The following SLC22A11 variants were observed in gnomAD, a reference collection of about 807,000 sequenced individuals.
The protein encoded by SLC22A11 is solute carrier family 22 member 11.
In SLC22A11, 42 loss-of-function variants were observed where a neutral mutation model predicts 49.4. The observed-to-expected ratio is 0.85, with a 90% CI of 0.66 to 1.10. SLC22A11 has a LOEUF of 1.10. Among genes scored for constraint, SLC22A11 ranks in the 50% least tolerant of loss-of-function variants. The probability of loss-of-function intolerance (pLI) is 0.00; values close to 1 mark genes in which losing one functional copy is unlikely to be tolerated. For synonymous variants in SLC22A11, 304 were observed against 315.8 expected (o/e 0.96, Z 0.40); for missense variants, 685 against 731.6 (o/e 0.94, Z 0.74).
At chr11:64,570,635 T>C (rs1371336296) in intron 9 of SLC22A11, among the ~76,000 whole-genome samples, 6 of 152,158 alleles carry the variant, frequency 3.9e-5, no homozygotes, top group Non-Finnish European at 8.8e-5. Flanking sequence ...TGAGTTCTTA[T>C]TGTTTTATGT....
intron 9 of SLC22A11, 72 bp downstream of exon 9, chr11:64,569,930 GC>G: frequency 6.8e-7 from 1 of 1,476,122 alleles, no homozygotes; most frequent in Non-Finnish European, 9.3e-7. Context: ...GGCCTGGGCT[GC>G]CCAGGGCAAA....
Position 64,568,737 on chromosome 11 carries a change from C to T in SLC22A11, c.1341C>T (p.Cys447=), listed in dbSNP as rs770506670. The change falls in exon 8 of 10, where the codon TGC becomes TGT. Residue 447 remains cysteine (C), a synonymous_variant. Transcript: ENST00000301891. The part of the protein sequence containing the change: ...GKGCFGISLT[C]LTIYKAELFP... ...GATGTTTTGGGATAAGCCTAACCTG[C>T]CTCACCATCTACAAGGCTGAACTCT... The T allele has an allele frequency of 2.5e-6, 4 of 1,614,052 alleles. No individual in the cohort carries two copies. The highest frequency in any genetic ancestry group is 3.4e-6 in the Non-Finnish European group (4 of 1,180,048).
Position 64,570,976 on chromosome 11 carries a change from T to G in SLC22A11, c.1590-3T>G. The G allele has an allele frequency of 6.2e-7, 1 of 1,614,198 alleles. No homozygotes were observed. Among genetic ancestry groups the G allele is most frequent in the South Asian group, 1.1e-5 (1 of 91,088 alleles). On this transcript the variant is annotated splice_region_variant and splice_polypyrimidine_tract_variant and intron_variant, in intron 9 of 9. Transcript: ENST00000301891. The stretch of plus-strand genomic sequence containing the variant: ...GGCACTGCTTTTCTTTGGATTATTC[T>G]AGGAAATCAACAGCAGCCCAGGGCA...
Position 64,565,200 on chromosome 11 carries a change from GT to G in SLC22A11, c.943-21del. ...CAGGGCCATTGCCCTACCATTCACGGTGCCCCCATTCTCCCCGGAAGGTGCT... is the reference window on the plus strand; with the variant it reads ...CAGGGCCATTGCCCTACCATTCACGGGCCCCCATTCTCCCCGGAAGGTGCT... On this transcript the variant is annotated intron_variant, in intron 5 of 9. Transcript: ENST00000301891. This position sits in a 1 kb window ranked among gnomAD's most constrained non-coding sequence, Gnocchi z 4.1. 1 of 1,501,300 alleles carries G rather than the reference GT, an allele frequency of 6.7e-7. No homozygotes were observed. Among genetic ancestry groups the G allele is most frequent in the Non-Finnish European group, 9.0e-7 (1 of 1,113,794 alleles). 93.0% of individuals were successfully genotyped at this position (1,501,300 alleles called of 1,614,324 possible).
In SLC22A11 at chr11:64,569,675, A is replaced by C. The variant is rs79763882; in HGVS notation, c.1406A>C (p.His469Pro). 1 of 1,614,132 alleles carries C rather than the reference A, an allele frequency of 6.2e-7. No individual in the cohort carries two copies. The highest frequency in any genetic ancestry group is 8.5e-7 in the Non-Finnish European group (1 of 1,180,012). ...AGGATGACAGCAGATGGCATTCTGC[A>C]TACAGTGGGCCGGCTGGGGGCTATG... ...PVRMTADGILHTVGRLGAMMG... is the reference protein window; with the variant it reads ...PVRMTADGILPTVGRLGAMMG... The change falls in exon 9 of 10, where the codon CAT becomes CCT. Residue 469 changes from histidine (H) to proline (P), a missense_variant. Coordinates refer to ENST00000301891, the MANE Select transcript of SLC22A11 (RefSeq NM_018484.4).
chr11:64,568,072 G>A (rs1417472921), intron 7 of SLC22A11, among the ~76,000 whole-genome samples: 2 of 152,256 alleles, frequency 1.3e-5, no homozygotes, highest in Non-Finnish European at 2.9e-5. Flanking sequence ...GCTGCCTTGC[G>A]GCTGGCAGAA....
chr11:64,562,440 G>C lies in SLC22A11; in HGVS notation c.821+5G>C, dbSNP rs772492426. 12 of 1,554,516 alleles carry C rather than the reference G, an allele frequency of 7.7e-6. No homozygotes were observed. Among genetic ancestry groups the C allele is most frequent in the Non-Finnish European group, 1.0e-5 (12 of 1,149,990 alleles). Reference sequence around the variant, plus strand: ...TGCCATCTCCCTGATATCCTGGTCAGTATGATGTGGGACCTTTTCCTTAGG... The same window carrying C: ...TGCCATCTCCCTGATATCCTGGTCACTATGATGTGGGACCTTTTCCTTAGG... On this transcript the variant is annotated splice_donor_5th_base_variant and intron_variant, in intron 4 of 9. Coordinates refer to ENST00000301891, the MANE Select transcript of SLC22A11 (RefSeq NM_018484.4). This position sits in a 1 kb window ranked among gnomAD's most constrained non-coding sequence, Gnocchi z 4.4.
intron 2 of SLC22A11, among the ~76,000 whole-genome samples, chr11:64,561,408 T>C (rs1007680782): frequency 1.3e-5 from 2 of 152,176 alleles, no homozygotes; most frequent in Non-Finnish European, 2.9e-5. Flanking sequence ...AGGACAGAGC[T>C]GGGGCTCAAA....
At chr11:64,559,878 C>T (rs987150485) in intron 2 of SLC22A11, among the ~76,000 whole-genome samples, 4 of 152,204 alleles carry the variant, frequency 2.6e-5, no homozygotes, top group African/African-American at 9.7e-5. Flanking sequence ...TACCAGGTGA[C>T]ACTGAAGCCT....
chr11:64,556,193 C>A lies in SLC22A11; in HGVS notation c.194C>A (p.Thr65Asn). The A allele has an allele frequency of 6.2e-7, 1 of 1,614,174 alleles. No individual in the cohort carries two copies. Among genetic ancestry groups the A allele is most frequent in the Non-Finnish European group, 8.5e-7 (1 of 1,180,034 alleles). The change falls in exon 1 of 10, where the codon ACC (threonine) becomes AAC (asparagine). Residue 65 changes from threonine to asparagine, a missense_variant. Thr to Asn is a moderately conservative substitution (Grantham distance 65, BLOSUM62 0). Transcript: ENST00000301891. ...DNGSAVSTNMTPKALLTISIP... is the reference protein window; with the variant it reads ...DNGSAVSTNMNPKALLTISIP... ...GGCTCTGCGGTTTCCACAAACATGA[C>A]CCCCAAGGCCCTTCTGACCATCTCC...
Position 64,559,240 on chromosome 11 carries a change from T to C in SLC22A11, c.497+2T>C. ...TATCTGGGGCCTCCTCTCCTACCGG[T>C]GAGTGCCTCCGCTCCTCCCAGCCCC... On this transcript the variant is annotated splice_donor_variant, in intron 2 of 9. Coordinates refer to ENST00000301891, the MANE Select transcript of SLC22A11 (RefSeq NM_018484.4). LOFTEE classifies it high-confidence loss of function. 6.3e-7 allele frequency: 1 copy of C among 1,593,494 alleles called. No homozygotes were observed. The highest frequency in any genetic ancestry group is 8.6e-7 in the Non-Finnish European group (1 of 1,167,560).
chr11:64,569,913 G>A, intron 9 of SLC22A11, 55 bp downstream of exon 9: 2 of 1,577,358 alleles, frequency 1.3e-6, no homozygotes, highest in South Asian at 1.1e-5. Flanking sequence ...GGGCCAAGAT[G>A]GAGACAGGCC....
chr11:64,561,884 AGG>A, intron 2 of SLC22A11, 118 bp from the exon 3 acceptor site: 1 of 1,219,266 alleles, frequency 8.2e-7, no homozygotes, highest in Non-Finnish European at 1.1e-6. Context: ...TCCAAGAAGG[AGG>A]AGCTGGCTGC....
chr11:64,559,677 T>C (rs963091281), intron 2 of SLC22A11, among the ~76,000 whole-genome samples: 2 of 116,168 alleles, frequency 1.7e-5, no homozygotes, highest in African/African-American at 5.8e-5. Context: ...AAGGGATGCC[T>C]CAGCAGAAAT....
At position 64,571,491 on chromosome 11, in the gene SLC22A11, G is replaced by A. The variant is rs571064389; in HGVS notation, c.*449G>A. 4.4e-5 allele frequency: 7 copies of A among 160,910 alleles called. No homozygotes were observed. Among genetic ancestry groups the A allele is most frequent in the South Asian group, 3.6e-4 (2 of 5,568 alleles). The allele number at this position is 160,910 out of a possible 1,614,324, so 10.0% of individuals were successfully genotyped here. A position where few individuals can be genotyped will look rare whatever the true frequency, so the allele number is the denominator to read the frequency against. ...ATCAGGGTGAACTGATCTTAGCACC[G>A]GCCAAATAAATGGAACCTGCTGAGA... On this transcript the variant is annotated 3_prime_UTR_variant, in exon 10 of 10. Coordinates refer to ENST00000301891, the MANE Select transcript of SLC22A11 (RefSeq NM_018484.4).
At position 64,564,535 on chromosome 11, in the gene SLC22A11, C is replaced by T. The variant is rs1306176068; in HGVS notation, c.942+107C>T. ...CCCACTCCAGCACCACCTCCACCAG[C>T]ACCACCACCAGCATCTCCACAGACA... On this transcript the variant is annotated intron_variant, in intron 5 of 9. Transcript: ENST00000301891. The surrounding 1 kb of genome is among the most constrained non-coding windows in gnomAD (Gnocchi z 4.2). 5 of 1,371,402 alleles carry T rather than the reference C, an allele frequency of 3.6e-6. No homozygotes were observed. The highest frequency in any genetic ancestry group is 1.0e-6 in the Non-Finnish European group (1 of 991,986). The allele number at this position is 1,371,402 out of a possible 1,614,324, so 85.0% of individuals were successfully genotyped here.
Position 64,571,210 on chromosome 11 carries a change from A to G in SLC22A11, c.*168A>G. The G allele has an allele frequency of 1.5e-6, 1 of 650,262 alleles. No individual in the cohort carries two copies. The highest frequency in any genetic ancestry group is 1.9e-5 in the South Asian group (1 of 53,760). 40.3% of individuals were successfully genotyped at this position (650,262 alleles called of 1,614,324 possible). A position where few individuals can be genotyped will look rare whatever the true frequency, so the allele number is the denominator to read the frequency against. ...GTGGCCGTCTGCTGTGGCTGAAGGC[A>G]GCTTCCACAGCTCACTCCTCTTCTC... On this transcript the variant is annotated 3_prime_UTR_variant, in exon 10 of 10. Transcript: ENST00000301891.
In SLC22A11 at chr11:64,556,080, C is replaced by G. The variant is rs1180316463; in HGVS notation, c.81C>G (p.Pro27=). ...QTLQVLTFIL[P]CLMIPSQMLL... is the part of the protein sequence containing the mutation. ...TGCAGGTGCTCACCTTCATCCTCCC[C>G]TGCCTCATGATACCTTCCCAGATGC... is the stretch of plus-strand genomic sequence containing the variant. The change falls in exon 1 of 10, where the codon CCC becomes CCG. Residue 27 remains proline (P), a synonymous_variant. Coordinates refer to ENST00000301891, the MANE Select transcript of SLC22A11 (RefSeq NM_018484.4). 3.2e-5 allele frequency: 51 copies of G among 1,614,000 alleles called. No homozygotes were observed. The highest frequency in any genetic ancestry group is 4.1e-5 in the Non-Finnish European group (48 of 1,180,042).
At position 64,567,324 on chromosome 11, in the gene SLC22A11, G is replaced by T. The variant is rs188393882; in HGVS notation, c.1059-275G>T. Among the ~76,000 whole-genome samples, 272 of 152,376 alleles carry T rather than the reference G, an allele frequency of 1.8e-3. 1 individual carries two copies. The highest frequency in any genetic ancestry group is 6.4e-3 in the African/African-American group (267 of 41,598). On this transcript the variant is annotated intron_variant, in intron 6 of 9. Transcript: ENST00000301891. ...CCGAGGGCAGACTTGGTCCCAGCCA[G>T]AGAGGCAACGCCCCAGCGCATCGCT...
Sources: allele counts gnomAD v4.1 joint callset (sites outside exome capture counted in the v4.1 genomes callset), GRCh38; gene constraint gnomAD v4.1.1; non-coding constraint Gnocchi (gnomAD v3.1); transcripts MANE v1.5; gene names NCBI Gene and HGNC (gene_info 2026-07-23, HGNC 2026-07-21).